DYRK1A: variants seen among roughly 807,000 people sequenced by gnomAD.
The protein encoded by DYRK1A is dual specificity tyrosine phosphorylation regulated kinase 1A.
A neutral mutation model predicts 79.7 loss-of-function variants in DYRK1A; 9 were observed. That is an observed-to-expected ratio of 0.11 (90% CI 0.07 to 0.20). The LOEUF (loss-of-function observed/expected upper bound fraction) is 0.20. Ranked by LOEUF, DYRK1A falls within the 10% of genes least tolerant of loss-of-function variation. The pLI is 1.00. For synonymous variants in DYRK1A, 349 were observed against 329.7 expected, an observed-to-expected ratio of 1.06 and a Z score of -0.63; for missense variants, 622 against 956.0, an observed-to-expected ratio of 0.65 and a Z score of 4.61.
chr21:37,429,847 A>T (rs915394278), intron 2 of DYRK1A, among the ~76,000 whole-genome samples: 1 of 152,156 alleles, frequency 6.6e-6, no homozygotes, highest in African/African-American at 2.4e-5. Flanking sequence ...CCTCGTTTCC[A>T]CTTACAGGGG....
rs1374550324 is a variant in DYRK1A at position 37,522,680 on chromosome 21, A to G, written c.*10149A>G. ...CCGTCCATGAATTTGGAGATGTTGA[A>G]CAGGTTTCTCTCCGACAATCGTCTC... On this transcript the variant is annotated 3_prime_UTR_variant, in exon 12 of 12. Coordinates refer to ENST00000647188, the MANE Select transcript of DYRK1A (RefSeq NM_001347721.2). 2 of 152,250 alleles carry G rather than the reference A, an allele frequency of 1.3e-5. No individual in the cohort carries two copies. The highest frequency in any genetic ancestry group is 2.9e-5 in the Non-Finnish European group (2 of 68,050). The allele number at this position is 152,250 out of a possible 1,614,324, so 9.4% of individuals were successfully genotyped here.
At position 37,367,033 on chromosome 21, in the gene DYRK1A, T is replaced by C. The variant is rs1383887054; in HGVS notation, c.-672T>C. The C allele has an allele frequency of 1.9e-5, 3 of 161,988 alleles. No homozygotes were observed. Among genetic ancestry groups the C allele is most frequent in the Non-Finnish European group, 4.0e-5 (3 of 74,426 alleles). 10.0% of individuals were successfully genotyped at this position (161,988 alleles called of 1,614,324 possible). ...CTGCTGTTCCTGCTGCTGCTGTTGG[T>C]GCCGCTGCCGCCGCCGGCGAGCAGG... On this transcript the variant is annotated 5_prime_UTR_variant, in exon 1 of 12. Coordinates refer to ENST00000647188, the MANE Select transcript of DYRK1A (RefSeq NM_001347721.2).
intron 2 of DYRK1A, among the ~76,000 whole-genome samples, chr21:37,455,630 C>T (rs994099250): frequency 6.6e-6 from 1 of 152,102 alleles, no homozygotes; most frequent in African/African-American, 2.4e-5. Flanking sequence ...CATCTCCTTC[C>T]TTTCTTTTGC....
At chr21:37,464,546 A>G (rs2051960014) in intron 2 of DYRK1A, among the ~76,000 whole-genome samples, 1 of 152,216 alleles carries the variant, frequency 6.6e-6, no homozygotes, top group Non-Finnish European at 1.5e-5. Flanking sequence ...CTGCACTCCA[A>G]ATGATGATTT....
At chr21:37,375,017 T>C (rs556440122) in intron 1 of DYRK1A, 2 of 152,354 alleles carry the variant, frequency 1.3e-5, no homozygotes, top group African/African-American at 4.8e-5. Context: ...TAGCATTGTT[T>C]TTCCTGACTC....
chr21:37,391,348 C>T (rs1448914217), intron 1 of DYRK1A, among the ~76,000 whole-genome samples: 1 of 152,194 alleles, frequency 6.6e-6, no homozygotes, highest in East Asian at 1.9e-4. Flanking sequence ...TCTGTGGCTT[C>T]CTTTAGTCTC....
Position 37,512,894 on chromosome 21 carries a change from C to A in DYRK1A, c.*363C>A. ...TAATTTTAAAGTAAAAGGCACTGCA[C>A]ATAATTTGCATAAAGGGCCCCATGA... On this transcript the variant is annotated 3_prime_UTR_variant, in exon 12 of 12. Coordinates refer to ENST00000647188, the MANE Select transcript of DYRK1A (RefSeq NM_001347721.2). The A allele has an allele frequency of 1.7e-5, 3 of 172,666 alleles. No homozygotes were observed. Among genetic ancestry groups the A allele is most frequent in the South Asian group, 1.6e-4 (1 of 6,424 alleles). The allele number at this position is 172,666 out of a possible 1,614,324, so 10.7% of individuals were successfully genotyped here.
At chr21:37,508,322 C>G (rs1454259698) in intron 11 of DYRK1A, among the ~76,000 whole-genome samples, 2 of 152,196 alleles carry the variant, frequency 1.3e-5, no homozygotes, top group South Asian at 2.1e-4. Context: ...GAGTCTTGCT[C>G]TGTCGCCCAG....
At chr21:37,417,346 A>G (rs1032536742) in intron 1 of DYRK1A, among the ~76,000 whole-genome samples, 1 of 151,348 alleles carries the variant, frequency 6.6e-6, no homozygotes, top group African/African-American at 2.4e-5. Flanking sequence ...ATGCGCCACC[A>G]CGCCCAGCTA....
intron 2 of DYRK1A, among the ~76,000 whole-genome samples, chr21:37,443,567 T>TA (rs1215070561): frequency 1.3e-5 from 2 of 152,226 alleles, no homozygotes; most frequent in African/African-American, 2.4e-5. Flanking sequence ...CTTTGAGTCT[T>TA]ACTTCTGAGA....
At chr21:37,377,418 A>G (rs187795753) in intron 1 of DYRK1A, among the ~76,000 whole-genome samples, 6 of 150,448 alleles carry the variant, frequency 4.0e-5, no homozygotes, top group Admixed American at 2.0e-4. Flanking sequence ...CGTGCCCCGC[A>G]TTTTTTTTTA....
intron 1 of DYRK1A, among the ~76,000 whole-genome samples, chr21:37,382,717 G>A (rs186316456): frequency 9.5e-4 from 144 of 152,210 alleles, no homozygotes; most frequent in Admixed American, 2.6e-3. Context: ...CAGCAGACCA[G>A]CCACTGGCCT....
intron 1 of DYRK1A, among the ~76,000 whole-genome samples, chr21:37,408,504 A>C (rs2050188477): frequency 6.6e-6 from 1 of 152,252 alleles, no homozygotes. Context: ...TAGTATTTAA[A>C]AGGAAATAAA....
intron 8 of DYRK1A, among the ~76,000 whole-genome samples, chr21:37,495,190 GT>G (rs1330807490): frequency 5.7e-4 from 70 of 123,590 alleles, no homozygotes; most frequent in African/African-American, 2.0e-3. Context: ...GTGTGTGTGT[GT>G]GTGTGTGTGT....
intron 2 of DYRK1A, among the ~76,000 whole-genome samples, chr21:37,438,431 C>T (rs1275920942): frequency 6.6e-6 from 1 of 151,960 alleles, no homozygotes; most frequent in Non-Finnish European, 1.5e-5. Context: ...TTTTTTTCCC[C>T]ACTAGATTTT....
rs556399235 is a variant in DYRK1A, at chr21:37,526,077, A to C, written c.*13546A>C. On this transcript the variant is annotated 3_prime_UTR_variant, in exon 12 of 12. Coordinates refer to ENST00000647188, the MANE Select transcript of DYRK1A (RefSeq NM_001347721.2). ...GAATCACAACTAATGTTACTGCTTT[A>C]AGCTCTTCCCATGTTGTTAAAAGTT... The C allele has an allele frequency of 2.0e-5, 3 of 152,330 alleles. No individual in the cohort carries two copies. In the South Asian group the frequency reaches 6.2e-4, roughly 32 times the overall value. The allele number at this position is 152,330 out of a possible 1,614,324, so 9.4% of individuals were successfully genotyped here.
intron 1 of DYRK1A, among the ~76,000 whole-genome samples, chr21:37,380,558 G>C (rs1308094202): frequency 6.6e-6 from 1 of 152,074 alleles, no homozygotes; most frequent in African/African-American, 2.4e-5. Context: ...TAAGATTCAC[G>C]GGAGACAGTT....
At chr21:37,505,696 G>A (rs1020199321) in intron 10 of DYRK1A, 107 bp downstream of exon 10, 127 of 1,220,752 alleles carry the variant, frequency 1.0e-4, no homozygotes, top group Non-Finnish European at 1.3e-4. Context: ...GTGGGGAGCA[G>A]TTACTTTACT....
rs2053849240 is a variant in DYRK1A at position 37,514,632 on chromosome 21, A to G, written c.*2101A>G. Reference sequence around the variant, plus strand: ...TTGGAAATACTCGTTTTTATAAACTACAAAAACTTTTTGTTGTTTATCAGG... The same window carrying G: ...TTGGAAATACTCGTTTTTATAAACTGCAAAAACTTTTTGTTGTTTATCAGG... On this transcript the variant is annotated 3_prime_UTR_variant, in exon 12 of 12. Coordinates refer to ENST00000647188, the MANE Select transcript of DYRK1A (RefSeq NM_001347721.2). 1 of 152,662 alleles carries G rather than the reference A, an allele frequency of 6.6e-6. No homozygotes were observed. The highest frequency in any genetic ancestry group is 2.4e-5 in the African/African-American group (1 of 41,472). 9.5% of individuals were successfully genotyped at this position (152,662 alleles called of 1,614,324 possible).
Sources: allele counts gnomAD v4.1 joint callset (sites outside exome capture counted in the v4.1 genomes callset), GRCh38; gene constraint gnomAD v4.1.1; transcripts MANE v1.5; gene names NCBI Gene and HGNC (gene_info 2026-07-23, HGNC 2026-07-21).